Variants in BDNF observed in about 807,000 individuals in gnomAD.
BDNF encodes the protein neurotrophic factor BDNF precursor form.
In BDNF, 1 loss-of-function variant was observed where a neutral mutation model predicts 19.5. The observed-to-expected ratio is 0.05, with a 90% CI of 0.02 to 0.24. The LOEUF (loss-of-function observed/expected upper bound fraction) is 0.24, where lower values mean the gene tolerates loss of function less well. BDNF is among the 10% of genes least tolerant of loss of function. The pLI is 1.00. For synonymous variants in BDNF, 100 were observed against 121.6 expected, an observed-to-expected ratio of 0.82 and a Z score of 1.17; for missense variants, 195 against 317.6, an observed-to-expected ratio of 0.61 and a Z score of 2.93.
In BDNF at chr11:27,658,432, T is replaced by C; in HGVS notation, c.133A>G (p.Ser45Gly). 6.2e-7 allele frequency: 1 copy of C among 1,614,112 alleles called. No homozygotes were observed. The highest frequency in any genetic ancestry group is 8.5e-7 in the Non-Finnish European group (1 of 1,180,028). The stretch of plus-strand genomic sequence containing the variant: ...GAACCTGCCTTGGGCCCATTCACGC[T>C]CTCCAGAGTCCCATGGGTCCGCACA... Reference protein sequence around the residue: ...PGVRTHGTLESVNGPKAGSRG... With the variant: ...PGVRTHGTLEGVNGPKAGSRG... Residue 45 changes from serine to glycine, a missense_variant, in exon 2 of 2, where the codon AGC (serine) becomes GGC (glycine). Ser to Gly is a moderately conservative substitution (Grantham distance 56). Around this residue, in one of 2 missense-constraint regions of BDNF, gnomAD observed 124 missense variants for 155.0 expected, o/e 0.80. Transcript: ENST00000356660. This position sits in a 1 kb window ranked among gnomAD's most constrained non-coding sequence, Gnocchi z 5.7.
At chr11:27,708,861 C>G (rs932431109) in intron 1 of BDNF, among the ~76,000 whole-genome samples, 1 of 122,878 alleles carries the variant, frequency 8.1e-6, no homozygotes, top group African/African-American at 3.1e-5. Flanking sequence ...CAGAGTCTCA[C>G]TCTGTCACCC....
chr11:27,716,184 G>A (rs1171362159), intron 1 of BDNF, among the ~76,000 whole-genome samples: 1 of 152,148 alleles, frequency 6.6e-6, no homozygotes, highest in Non-Finnish European at 1.5e-5. Context: ...AAAGAGGAAA[G>A]ATGTCATATT....
chr11:27,699,699 C>T (rs994916670), intron 1 of BDNF: 5 of 1,397,342 alleles, frequency 3.6e-6, no homozygotes, highest in African/African-American at 1.4e-5. Context: ...GGGCTGAAGG[C>T]GCAAGCTTCC....
chr11:27,690,843 GT>G (rs1858154477), intron 1 of BDNF, among the ~76,000 whole-genome samples: 2 of 151,698 alleles, frequency 1.3e-5, no homozygotes, highest in South Asian at 4.2e-4. Flanking sequence ...TATAAATACT[GT>G]CAAGTGAAGA....
chr11:27,671,551 T>C (rs1388049749), intron 1 of BDNF, among the ~76,000 whole-genome samples: 1 of 152,158 alleles, frequency 6.6e-6, no homozygotes, highest in Non-Finnish European at 1.5e-5. Flanking sequence ...AGTCTCAAAC[T>C]TCAAATAATT....
rs146323881 is a variant in BDNF, at chr11:27,688,444, G to A, written c.-22+11720C>T. 2.0e-5 allele frequency among the ~76,000 whole-genome samples: 3 copies of A among 152,310 alleles called. No individual in the cohort carries two copies. In the East Asian group the frequency reaches 5.8e-4, roughly 29 times the overall value. On this transcript the variant is annotated intron_variant, in intron 1 of 1. Coordinates refer to ENST00000356660, the MANE Select transcript of BDNF (RefSeq NM_001709.5). ...GTTCTGTCTCACTGGAATTTCAGGT[G>A]CCACTGGGGTATGAGAAAAAACTCC...
intron 1 of BDNF, chr11:27,697,358 G>A (rs1485411979): frequency 1.3e-5 from 2 of 152,164 alleles, no homozygotes; most frequent in East Asian, 3.8e-4. Context: ...TTGAAAAGCT[G>A]GGACTCTTAA....
upstream of BDNF, chr11:27,700,776 GC>G (rs751619012): frequency 6.0e-4 from 718 of 1,197,412 alleles, no homozygotes; most frequent in Non-Finnish European, 7.1e-4. Flanking sequence ...TCCAGCCCCA[GC>G]CTCAGCCCCG....
upstream of BDNF, among the ~76,000 whole-genome samples, chr11:27,703,441 C>G (rs1307151905): frequency 2.0e-5 from 3 of 152,122 alleles, no homozygotes; most frequent in African/African-American, 7.2e-5. Context: ...TATTTCCTTC[C>G]TGAAAAAATA....
chr11:27,659,458 G>A, intron 1 of BDNF: 1 of 1,000,290 alleles, frequency 1.0e-6, no homozygotes, highest in South Asian at 4.7e-5. Context: ...GGAGAAAACT[G>A]AAAAAGTCAG....
chr11:27,709,118 C>A (rs1424069627), intron 1 of BDNF, among the ~76,000 whole-genome samples: 4 of 152,118 alleles, frequency 2.6e-5, no homozygotes, highest in African/African-American at 9.7e-5. Flanking sequence ...CATGAGCCAC[C>A]GCGCCTGGCT....
intron 1 of BDNF, among the ~76,000 whole-genome samples, chr11:27,720,045 CG>C (rs1208062369): frequency 6.6e-6 from 1 of 151,884 alleles, no homozygotes; most frequent in Non-Finnish European, 1.5e-5. Flanking sequence ...GCAAAGAGAA[CG>C]GAAAAGAGGG....
chr11:27,704,333 G>A (rs879283159), upstream of BDNF, among the ~76,000 whole-genome samples: 2 of 152,140 alleles, frequency 1.3e-5, no homozygotes, highest in Non-Finnish European at 2.9e-5. Context: ...GGGAACAAAG[G>A]TCAGGAAGAA....
At chr11:27,660,020 A>T in intron 1 of BDNF, 2 of 265,270 alleles carry the variant, frequency 7.5e-6, no homozygotes, top group Non-Finnish European at 1.3e-5. Context: ...CCCTAATTTT[A>T]TTCCTACTTC....
Position 27,658,759 on chromosome 11 carries a change from G to C in BDNF, c.-21-174C>G, listed in dbSNP as rs1360211614. ...CACAAATCAGTGTCAGTAGTGTGCT[G>C]TATGTGGTTTAATATAAACCAGAGA... On this transcript the variant is annotated intron_variant, in intron 1 of 1. Transcript: ENST00000356660. The surrounding 1 kb of genome is among the most constrained non-coding windows in gnomAD (Gnocchi z 5.7). 6.7e-7 allele frequency: 1 copy of C among 1,496,074 alleles called. No individual in the cohort carries two copies. Among genetic ancestry groups the C allele is most frequent in the Non-Finnish European group, 8.9e-7 (1 of 1,124,890 alleles). The allele number at this position is 1,496,074 out of a possible 1,614,324, so 92.7% of individuals were successfully genotyped here.
chr11:27,688,340 C>T (rs774966529), intron 1 of BDNF, among the ~76,000 whole-genome samples: 15 of 152,224 alleles, frequency 9.9e-5, no homozygotes, highest in Non-Finnish European at 1.3e-4. Flanking sequence ...CTTACCTTGC[C>T]GTGCTCCATG....
intron 1 of BDNF, among the ~76,000 whole-genome samples, chr11:27,669,794 G>A (rs1184371758): frequency 6.6e-6 from 1 of 152,104 alleles, no homozygotes; most frequent in Non-Finnish European, 1.5e-5. Context: ...CATTCTCATG[G>A]GTAGGAAGAA....
In BDNF at chr11:27,655,939, T is replaced by A. The variant is rs1852501104; in HGVS notation, c.*1882A>T. ...AGAGGTGAGGCAGGGACCCTCTCCA[T>A]GAACAGACAGGATGGGCAGAAGGTT... On this transcript the variant is annotated 3_prime_UTR_variant, in exon 2 of 2. Transcript: ENST00000356660. 1 of 152,260 alleles carries A rather than the reference T, an allele frequency of 6.6e-6. No individual in the cohort carries two copies. 9.4% of individuals were successfully genotyped at this position (152,260 alleles called of 1,614,324 possible). A position where few individuals can be genotyped will look rare whatever the true frequency, so the allele number is the denominator to read the frequency against.
At chr11:27,676,283 AG>A (rs1020394005) in intron 1 of BDNF, 2 of 152,220 alleles carry the variant, frequency 1.3e-5, no homozygotes, top group African/African-American at 4.8e-5. Context: ...TCTTCTATAA[AG>A]GGGAAGAGGA....
Sources: gnomAD v4.1 joint callset for allele counts (sites outside exome capture counted in the v4.1 genomes callset) on GRCh38, gnomAD v4.1.1 for gene constraint, gnomAD v4.1.1 regional missense constraint, Gnocchi (gnomAD v3.1) non-coding constraint, MANE v1.5 for transcripts, NCBI Gene and HGNC (gene_info 2026-07-23, HGNC 2026-07-21) for gene names.